Variants in OSGEPL1 observed in about 807,000 individuals in gnomAD.
OSGEPL1 encodes tRNA N6-adenosine threonylcarbamoyltransferase, mitochondrial.
OSGEPL1 carries 26 observed loss-of-function variants against 37.2 expected under a neutral mutation model. That is an observed-to-expected ratio of 0.70 (90% CI 0.51 to 0.97). The LOEUF is 0.97. Among genes scored for constraint, OSGEPL1 ranks in the 50% least tolerant of loss-of-function variants. OSGEPL1 has a pLI of 0.00. For missense variants in OSGEPL1, 404 were observed against 487.0 expected (o/e 0.83, Z 1.60); for synonymous variants, 140 against 159.9 (o/e 0.88, Z 0.94).
chr2:189,759,562 T>C (rs952982505), intron 2 of OSGEPL1, among the ~76,000 whole-genome samples: 1 of 152,138 alleles, frequency 6.6e-6, no homozygotes, highest in Non-Finnish European at 1.5e-5. Context: ...TTTTCCTATT[T>C]TACTGATGTG....
intron 2 of OSGEPL1, 101 bp downstream of exon 2, chr2:189,761,319 A>T (rs1050717536): frequency 4.6e-5 from 58 of 1,269,250 alleles, no homozygotes; most frequent in Admixed American, 1.5e-4. Flanking sequence ...GCAAAAAGGA[A>T]TAAGACAGTA....
chr2:189,761,798 A>T (rs1437003047), intron 1 of OSGEPL1, 138 bp from the exon 2 acceptor site: 2 of 772,340 alleles, frequency 2.6e-6, no homozygotes, highest in Non-Finnish European at 3.8e-6. Flanking sequence ...CAACATGGGA[A>T]TATAAATAAT....
chr2:189,760,350 C>T (rs79419293), intron 2 of OSGEPL1, among the ~76,000 whole-genome samples: 12,212 of 152,206 alleles, frequency 0.08, 618 homozygotes, highest in East Asian at 0.13. Context: ...GAGGGGCCCC[C>T]ACCCCTAAGA....
Position 189,754,606 on chromosome 2 carries a change from T to A in OSGEPL1, c.610-261A>T, listed in dbSNP as rs1318310348. 3 of 431,400 alleles carry A rather than the reference T, an allele frequency of 7.0e-6. No individual in the cohort carries two copies. In the East Asian group the frequency reaches 1.2e-4, roughly 17 times the overall value. 26.7% of individuals were successfully genotyped at this position (431,400 alleles called of 1,614,324 possible). On this transcript the variant is annotated intron_variant, in intron 3 of 8. Transcript: ENST00000264151. Reference sequence around the variant, plus strand: ...TATTGGTTGGAAAATGGGCTTGAAGTTGACAATAACTGCTTAATGATGAAC... The same window carrying A: ...TATTGGTTGGAAAATGGGCTTGAAGATGACAATAACTGCTTAATGATGAAC...
intron 2 of OSGEPL1, among the ~76,000 whole-genome samples, chr2:189,755,797 T>C (rs2045984019): frequency 6.6e-6 from 1 of 152,208 alleles, no homozygotes; most frequent in African/African-American, 2.4e-5. Context: ...ATGGATTTGT[T>C]TGTTGACAAA....
intron 2 of OSGEPL1, among the ~76,000 whole-genome samples, chr2:189,755,944 G>T (rs1455516306): frequency 6.6e-6 from 1 of 152,178 alleles, no homozygotes; most frequent in Non-Finnish European, 1.5e-5. Context: ...GAAAGTATTT[G>T]TGTAAAATGA....
intron 8 of OSGEPL1, among the ~76,000 whole-genome samples, chr2:189,748,034 G>A (rs528774724): frequency 1.3e-5 from 2 of 152,172 alleles, no homozygotes; most frequent in African/African-American, 4.8e-5. Flanking sequence ...TTGCTGAATT[G>A]CCTCCATACA....
intron 2 of OSGEPL1, among the ~76,000 whole-genome samples, 164 bp from the exon 3 acceptor site, chr2:189,755,724 CAGTA>C (rs767581066): frequency 6.6e-6 from 1 of 152,148 alleles, no homozygotes; most frequent in Non-Finnish European, 1.5e-5. Context: ...GGTTAAAACT[CAGTA>C]AGCAGTAATT....
chr2:189,758,165 T>C (rs1020525131), intron 2 of OSGEPL1, among the ~76,000 whole-genome samples: 4 of 152,126 alleles, frequency 2.6e-5, no homozygotes, highest in Non-Finnish European at 4.4e-5. Context: ...GGTGGATCAC[T>C]TGAGGTCGGG....
At chr2:189,758,077 G>A (rs575587351) in intron 2 of OSGEPL1, among the ~76,000 whole-genome samples, 12 of 152,186 alleles carry the variant, frequency 7.9e-5, no homozygotes, top group African/African-American at 2.6e-4. Flanking sequence ...GAGTTCTCAT[G>A]AGATCTTGTT....
intron 7 of OSGEPL1, among the ~76,000 whole-genome samples, 196 bp downstream of exon 7, chr2:189,752,457 G>C (rs1168306465): frequency 6.6e-6 from 1 of 152,160 alleles, no homozygotes; most frequent in East Asian, 1.9e-4. Flanking sequence ...AACTTGCCAA[G>C]ATTTTTATAA....
intron 2 of OSGEPL1, among the ~76,000 whole-genome samples, chr2:189,757,850 C>T (rs574556853): frequency 3.3e-5 from 5 of 152,180 alleles, no homozygotes; most frequent in Non-Finnish European, 7.4e-5. Context: ...CAGTAGTCTC[C>T]TCAAGTGACC....
rs376427339 is a variant in OSGEPL1, at chr2:189,754,080, G to T, written c.815-16C>A. ...TTCTCAATACCTGCAGAAATGAGCA[G>T]CTATTTTTAGGCACAATCCAGGAAT... On this transcript the variant is annotated splice_polypyrimidine_tract_variant and intron_variant, in intron 4 of 8. Transcript: ENST00000264151. 4 of 1,611,736 alleles carry T rather than the reference G, an allele frequency of 2.5e-6. No homozygotes were observed. In the African/African-American group the frequency reaches 5.3e-5, roughly 22 times the overall value.
intron 7 of OSGEPL1, among the ~76,000 whole-genome samples, chr2:189,751,536 G>A (rs1419862778): frequency 5.5e-5 from 8 of 145,806 alleles, no homozygotes; most frequent in African/African-American, 2.0e-4. Context: ...CCTCCACCTC[G>A]AGGATTCAGG....
chr2:189,750,544 T>TAATTA lies in OSGEPL1; in HGVS notation c.*28+5_*28+6insTAATT, dbSNP rs752649105. The TAATTA allele has an allele frequency of 8.6e-7, 1 of 1,157,824 alleles. No individual in the cohort carries two copies. Among genetic ancestry groups the TAATTA allele is most frequent in the South Asian group, 1.4e-5 (1 of 73,038 alleles). 71.7% of individuals were successfully genotyped at this position (1,157,824 alleles called of 1,614,324 possible). ...AATAAAAACTTAATTTTAACCTTAA[T>TAATTA]ACTACCTTTAGGGACTTTTTTGAAC... On this transcript the variant is annotated splice_donor_region_variant and intron_variant, in intron 8 of 8. Transcript: ENST00000264151.
At chr2:189,754,699 G>A in intron 3 of OSGEPL1, 1 of 204,522 alleles carries the variant, frequency 4.9e-6, no homozygotes, top group South Asian at 7.9e-5. Context: ...TTGTTTGTTT[G>A]TTTGTTTGTT....
intron 1 of OSGEPL1, 144 bp downstream of exon 1, chr2:189,762,541 C>G: frequency 1.0e-6 from 1 of 959,022 alleles, no homozygotes; most frequent in Non-Finnish European, 1.2e-6. Context: ...CCCTTTCGGG[C>G]CAAGAAAGCT....
chr2:189,762,057 G>A (rs963210629), intron 1 of OSGEPL1, among the ~76,000 whole-genome samples: 2 of 152,210 alleles, frequency 1.3e-5, no homozygotes, highest in Admixed American at 1.3e-4. Flanking sequence ...TAAAAATACT[G>A]TTAATGTATT....
At chr2:189,756,707 G>A (rs16831972) in intron 2 of OSGEPL1, among the ~76,000 whole-genome samples, 17,337 of 151,788 alleles carry the variant, frequency 0.11, 1,179 homozygotes, top group Middle Eastern at 0.17. Context: ...CTCACTCTCC[G>A]CATTTAAGTT....
Sources: gnomAD v4.1 joint callset for allele counts (sites outside exome capture counted in the v4.1 genomes callset) on GRCh38, gnomAD v4.1.1 for gene constraint, MANE v1.5 for transcripts, NCBI Gene and HGNC (gene_info 2026-07-23, HGNC 2026-07-21) for gene names.